CLIC2: variants seen among roughly 807,000 people sequenced by gnomAD.
CLIC2 encodes the protein chloride intracellular channel protein 2.
CLIC2 carries 9 observed loss-of-function variants against 14.8 expected under a neutral mutation model. That is an observed-to-expected ratio of 0.61 (90% CI 0.37 to 1.06). The LOEUF (loss-of-function observed/expected upper bound fraction) is 1.06, where lower values mean the gene tolerates loss of function less well. CLIC2 is among the 50% of genes least tolerant of loss of function. CLIC2 has a pLI of 0.01. For missense variants in CLIC2, 148 were observed against 181.4 expected (o/e 0.82, Z 1.06); for synonymous variants, 61 against 66.3 (o/e 0.92, Z 0.39).
At chrX:155,319,043 C>T (rs919061111) in intron 1 of CLIC2, among the ~76,000 whole-genome samples, 8 of 111,872 alleles carry the variant, frequency 7.2e-5, no homozygotes, top group African/African-American at 2.6e-4. Context: ...CATCTCTCAC[C>T]TTATACAGAA....
chrX:155,288,516 C>T (rs782505898), intron 3 of CLIC2, among the ~76,000 whole-genome samples: 55 of 111,795 alleles, frequency 4.9e-4, no homozygotes, highest in African/African-American at 1.7e-3. Flanking sequence ...ACCTTCATGA[C>T]AGGTAGTCTT....
intron 3 of CLIC2, among the ~76,000 whole-genome samples, chrX:155,284,321 G>A (rs1184117539): frequency 2.8e-5 from 3 of 105,764 alleles, no homozygotes; most frequent in Admixed American, 1.0e-4. Flanking sequence ...GTGCAATGGC[G>A]CAATCTCGGC....
intron 3 of CLIC2, among the ~76,000 whole-genome samples, chrX:155,287,339 CT>C (rs1381422020): frequency 1.8e-5 from 2 of 110,782 alleles, no homozygotes; most frequent in East Asian, 2.8e-4. Context: ...TTCTTTCTTT[CT>C]TTTTTTCTTT....
At chrX:155,331,322 T>A (rs1404457570) in intron 1 of CLIC2, among the ~76,000 whole-genome samples, 2 of 110,957 alleles carry the variant, frequency 1.8e-5, no homozygotes, top group Non-Finnish European at 3.8e-5. Flanking sequence ...TTTTTTTTTC[T>A]GTTATGTTAT....
rs1557318527 is a variant in CLIC2 at position 155,297,884 on chromosome X, A to AAAAAAG, written c.293+900_293+901insCTTTTT. Reference sequence around the variant, plus strand: ...TCAAAAAAAAAAAAAAAAAAAAAAAAAAGAAGGTGAACCATCAGAGAGACA... The same window carrying AAAAAAG: ...TCAAAAAAAAAAAAAAAAAAAAAAAAAAAAAGAAGAAGGTGAACCATCAGAGAGACA... On this transcript the variant is annotated intron_variant, in intron 3 of 5. Coordinates refer to ENST00000369449, the MANE Select transcript of CLIC2 (RefSeq NM_001289.6). Among the ~76,000 whole-genome samples the AAAAAAG allele has an allele frequency of 1.8e-4, 8 of 45,217 alleles. 3 individuals carry two copies. The highest frequency in any genetic ancestry group is 3.4e-4 in the Non-Finnish European group (7 of 20,618). The allele number at this position is 45,217 out of a possible 115,157, so 39.3% of individuals were successfully genotyped here.
chrX:155,326,151 T>G (rs2124219673), intron 1 of CLIC2, among the ~76,000 whole-genome samples: 1 of 109,224 alleles, frequency 9.2e-6, no homozygotes, highest in East Asian at 2.9e-4. Context: ...CTTCACCTGT[T>G]CCCCAAAAAC....
Position 155,277,983 on chromosome X carries a change from G to A in CLIC2, c.664C>T (p.Arg222Cys), listed in dbSNP as rs781848928. Residue 222 changes from arginine (R) to cysteine (C), a missense_variant, in exon 6 of 6, where the codon CGT (arginine) becomes TGT (cysteine). Transcript: ENST00000369449. ...GGACACGTGTGGGTAAATTCTTCAC[G>A]GGCATAGGCATTGTGGAGATAACGC... ...VWRYLHNAYAREEFTHTCPED... is the reference protein window; with the variant it reads ...VWRYLHNAYACEEFTHTCPED... The A allele has an allele frequency of 3.0e-5, 36 of 1,202,383 alleles. No homozygotes were observed. The highest frequency in any genetic ancestry group is 2.3e-4 in the South Asian group (13 of 56,553).
At chrX:155,293,589 G>T (rs920501714) in intron 3 of CLIC2, among the ~76,000 whole-genome samples, 1 of 111,516 alleles carries the variant, frequency 9.0e-6, no homozygotes, top group Non-Finnish European at 1.9e-5. Flanking sequence ...AACATAAACA[G>T]ATTAAATATT....
In CLIC2 at chrX:155,332,304, C is replaced by T. The variant is rs782550470; in HGVS notation, c.57+2067G>A. 1.3e-4 allele frequency among the ~76,000 whole-genome samples: 14 copies of T among 111,481 alleles called. No individual in the cohort carries two copies. In the East Asian group the frequency reaches 3.1e-3, roughly 25 times the overall value. On this transcript the variant is annotated intron_variant, in intron 1 of 5. Coordinates refer to ENST00000369449, the MANE Select transcript of CLIC2 (RefSeq NM_001289.6). ...TTAGCACTTTTAGTCTTTCTCAACC[C>T]CTATTTCCCCTCCCAGTATCTTCCA...
intron 3 of CLIC2, among the ~76,000 whole-genome samples, chrX:155,288,378 A>G (rs1158119266): frequency 8.9e-6 from 1 of 112,182 alleles, no homozygotes; most frequent in African/African-American, 3.2e-5. Flanking sequence ...GTTTAATAAT[A>G]ATTAGTTTAA....
chrX:155,292,588 G>A (rs192827573), intron 3 of CLIC2: 12 of 346,772 alleles, frequency 3.5e-5, no homozygotes, highest in Non-Finnish European at 6.0e-5. Context: ...GGCTAACACG[G>A]TGAAACCCCG....
chrX:155,323,217 G>GAC (rs1263796996), intron 1 of CLIC2, among the ~76,000 whole-genome samples: 6 of 111,537 alleles, frequency 5.4e-5, no homozygotes, highest in African/African-American at 2.0e-4. Context: ...ACCTGTCAGA[G>GAC]ACACACACAC....
In CLIC2 at chrX:155,305,086, T is replaced by C. The variant is rs369656391; in HGVS notation, c.58-5941A>G. On this transcript the variant is annotated intron_variant, in intron 1 of 5. Coordinates refer to ENST00000369449, the MANE Select transcript of CLIC2 (RefSeq NM_001289.6). ...GAGCCTACAGAGGCAGGCAGACCTC[T>C]TTGAGCTGTGGTGGGCTCCACCCAG... 4.4e-3 allele frequency among the ~76,000 whole-genome samples: 492 copies of C among 112,394 alleles called. 1 individual carries two copies. The highest frequency in any genetic ancestry group is 0.011 in the African/African-American group (343 of 31,021).
intron 3 of CLIC2, chrX:155,290,896 C>T: frequency 1.5e-6 from 1 of 679,615 alleles, no homozygotes; most frequent in Non-Finnish European, 2.4e-6. Flanking sequence ...CAGTCTGTAC[C>T]TCATTGATTT....
At chrX:155,291,927 T>C (rs1189099488) in intron 3 of CLIC2, among the ~76,000 whole-genome samples, 3 of 111,851 alleles carry the variant, frequency 2.7e-5, no homozygotes, top group Non-Finnish European at 5.6e-5. Context: ...CCTTCTCCAT[T>C]CCCGCCCGCA....
chrX:155,327,066 T>C (rs1232135432), intron 1 of CLIC2, among the ~76,000 whole-genome samples: 1 of 111,149 alleles, frequency 9.0e-6, no homozygotes, highest in Non-Finnish European at 1.9e-5. Context: ...ATGTTATCAT[T>C]AAGGGAAACT....
intron 3 of CLIC2, among the ~76,000 whole-genome samples, chrX:155,280,577 C>T (rs1425889238): frequency 9.0e-6 from 1 of 110,796 alleles, no homozygotes; most frequent in East Asian, 2.8e-4. Context: ...CCTGTAGTTC[C>T]AGCTACTTGG....
Position 155,314,035 on chromosome X carries a change from T to G in CLIC2, c.58-14890A>C, listed in dbSNP as rs145755657. On this transcript the variant is annotated intron_variant, in intron 1 of 5. Transcript: ENST00000369449. The stretch of plus-strand genomic sequence containing the variant: ...ATCCCCTACAGCAGCCACAGCAAGC[T>G]ACACTCAAGGAGAGTCTGAGCTCAG... Among the ~76,000 whole-genome samples the G allele has an allele frequency of 6.8e-3, 759 of 111,033 alleles. 7 individuals are homozygous for G. The highest frequency in any genetic ancestry group is 0.024 in the African/African-American group (718 of 30,528).
intron 1 of CLIC2, among the ~76,000 whole-genome samples, chrX:155,302,674 G>A (rs1452260410): frequency 1.6e-5 from 1 of 64,470 alleles, no homozygotes; most frequent in African/African-American, 5.2e-5. Context: ...GTGATGTTAG[G>A]GTGTCAATTT....
Sources: gnomAD v4.1 joint callset for allele counts (sites outside exome capture counted in the v4.1 genomes callset) on GRCh38, gnomAD v4.1.1 for gene constraint, MANE v1.5 for transcripts, NCBI Gene and HGNC (gene_info 2026-07-23, HGNC 2026-07-21) for gene names.